CPNE4: variants seen among roughly 807,000 people sequenced by gnomAD.
CPNE4 encodes copine-4.
CPNE4 carries 25 observed loss-of-function variants against 67.9 expected under a neutral mutation model. The observed-to-expected ratio is 0.37, with a 90% CI of 0.27 to 0.51. The LOEUF (loss-of-function observed/expected upper bound fraction) is 0.51. Ranked by LOEUF, CPNE4 falls within the 20% of genes least tolerant of loss-of-function variation. CPNE4 has a pLI of 0.93. For synonymous variants in CPNE4, 242 were observed against 244.9 expected, an observed-to-expected ratio of 0.99 and a Z score of 0.11; for missense variants, 464 against 690.8, an observed-to-expected ratio of 0.67 and a Z score of 3.68.
At position 131,821,404 on chromosome 3, in the gene CPNE4, C is replaced by T. The variant is rs374944817; in HGVS notation, c.180+83860G>A. On this transcript the variant is annotated intron_variant, in intron 2 of 15. Transcript: ENST00000429747. ...TAAGAAACAGGAAGCCAGCAATCTC[C>T]CTATTGTGAGAATTCTGGACAGATG... Among the ~76,000 whole-genome samples the T allele has an allele frequency of 2.6e-5, 4 of 152,292 alleles. No individual in the cohort carries two copies. In the East Asian group the frequency reaches 7.7e-4, roughly 29 times the overall value.
intron 1 of CPNE4, among the ~76,000 whole-genome samples, chr3:131,980,339 A>G (rs2072874070): frequency 1.3e-5 from 2 of 152,120 alleles, no homozygotes; most frequent in African/African-American, 2.4e-5. Flanking sequence ...AATTATTCTT[A>G]GGTTTGATTG....
chr3:131,715,526 G>A lies in CPNE4; in HGVS notation c.360+7920C>T, dbSNP rs192544943. 2.0e-4 allele frequency among the ~76,000 whole-genome samples: 31 copies of A among 152,272 alleles called. No homozygotes were observed. The East Asian group carries it at 5.4e-3, about 27-fold the overall frequency. On this transcript the variant is annotated intron_variant, in intron 3 of 15. Coordinates refer to ENST00000429747, the MANE Select transcript of CPNE4 (RefSeq NM_130808.3). ...GCTGTGTGACCTTGGATAACTTACT[G>A]AGCTTTACTCAGTCTCAGTTTCCTC...
intron 7 of CPNE4, among the ~76,000 whole-genome samples, chr3:131,632,339 A>G (rs1005519495): frequency 1.3e-5 from 2 of 152,012 alleles, no homozygotes; most frequent in East Asian, 1.9e-4. Flanking sequence ...ATGCAACCCT[A>G]TGAAGTAGAT....
chr3:131,920,461 A>G (rs886364826), intron 1 of CPNE4, among the ~76,000 whole-genome samples: 4 of 152,140 alleles, frequency 2.6e-5, no homozygotes, highest in African/African-American at 9.7e-5. Flanking sequence ...ACATGTCTGC[A>G]AAGTCCTAGT....
chr3:131,784,091 T>C (rs888329421), intron 2 of CPNE4, among the ~76,000 whole-genome samples: 1 of 152,220 alleles, frequency 6.6e-6, no homozygotes, highest in East Asian at 1.9e-4. Context: ...CGACAAATAG[T>C]GTATATTTAA....
intron 1 of CPNE4, among the ~76,000 whole-genome samples, chr3:132,033,274 T>C (rs2074274835): frequency 1.3e-5 from 2 of 152,292 alleles, no homozygotes; most frequent in Middle Eastern, 3.4e-3. Flanking sequence ...GCTTTTAAAA[T>C]CCCTGGCAAA....
chr3:131,999,324 G>A (rs1236496054), intron 1 of CPNE4, among the ~76,000 whole-genome samples: 1 of 148,394 alleles, frequency 6.7e-6, no homozygotes, highest in East Asian at 2.0e-4. Flanking sequence ...TCCATCAAGT[G>A]GTGCAAGGAC....
chr3:131,545,525 AAC>A lies in CPNE4; in HGVS notation c.1303-2734_1303-2733del, dbSNP rs552910425. Among the ~76,000 whole-genome samples the A allele has an allele frequency of 2.5e-3, 380 of 152,350 alleles. 5 individuals carry two copies. The highest frequency in any genetic ancestry group is 8.8e-3 in the African/African-American group (367 of 41,584). On this transcript the variant is annotated intron_variant, in intron 14 of 15. Transcript: ENST00000429747. ...CTTGTGGCTTAGTTATTAATAAAAA[AAC>A]ACATATTTTCCTGTTATATTACAGT... is the stretch of plus-strand genomic sequence containing the variant.
chr3:131,987,550 C>T (rs550021869), intron 1 of CPNE4, among the ~76,000 whole-genome samples: 1 of 152,090 alleles, frequency 6.6e-6, no homozygotes, highest in African/African-American at 2.4e-5. Flanking sequence ...CCACACCCAG[C>T]TAATTTTTTG....
intron 1 of CPNE4, among the ~76,000 whole-genome samples, chr3:131,906,684 G>C (rs1457541357): frequency 6.6e-6 from 1 of 151,796 alleles, no homozygotes; most frequent in African/African-American, 2.4e-5. Flanking sequence ...CCAAGTCTTT[G>C]CTATCGTGAA....
intron 2 of CPNE4, among the ~76,000 whole-genome samples, chr3:131,893,402 T>A (rs139852265): frequency 6.6e-6 from 1 of 152,014 alleles, no homozygotes; most frequent in Non-Finnish European, 1.5e-5. Context: ...CAACTTTCAA[T>A]AATGTACAGG....
At chr3:131,745,146 C>T (rs933035201) in intron 2 of CPNE4, among the ~76,000 whole-genome samples, 5 of 152,116 alleles carry the variant, frequency 3.3e-5, no homozygotes, top group Non-Finnish European at 7.4e-5. Context: ...GTAATAGTAT[C>T]TCGTTGTTGT....
At chr3:132,027,311 CT>C (rs1436486390) in intron 1 of CPNE4, among the ~76,000 whole-genome samples, 1 of 152,154 alleles carries the variant, frequency 6.6e-6, no homozygotes, top group East Asian at 1.9e-4. Context: ...GTCACTTCAC[CT>C]TGCTGAGTCT....
At chr3:131,746,679 A>C (rs2082497476) in intron 2 of CPNE4, among the ~76,000 whole-genome samples, 1 of 152,104 alleles carries the variant, frequency 6.6e-6, no homozygotes, top group African/African-American at 2.4e-5. Context: ...CTGTTGATGG[A>C]CATTTAGGTT....
intron 2 of CPNE4, among the ~76,000 whole-genome samples, chr3:131,732,362 C>T (rs1424993231): frequency 6.6e-6 from 1 of 152,218 alleles, no homozygotes; most frequent in Non-Finnish European, 1.5e-5. Flanking sequence ...AATATGGTAT[C>T]CATTCTCCTT....
intron 1 of CPNE4, among the ~76,000 whole-genome samples, chr3:131,976,830 C>T (rs904851603): frequency 2.0e-5 from 3 of 150,942 alleles, no homozygotes; most frequent in Admixed American, 2.0e-4. Flanking sequence ...GAGACAGAGT[C>T]TCACCGTGTC....
chr3:131,718,505 GC>G (rs1406315892), intron 3 of CPNE4, among the ~76,000 whole-genome samples: 1 of 152,130 alleles, frequency 6.6e-6, no homozygotes, highest in Non-Finnish European at 1.5e-5. Context: ...CCTTCATGCT[GC>G]TGTGTCTTTG....
intron 13 of CPNE4, 121 bp downstream of exon 13, chr3:131,552,319 A>G: frequency 2.4e-6 from 2 of 830,126 alleles, no homozygotes; most frequent in South Asian, 3.2e-5. Flanking sequence ...ATGTTGATAC[A>G]GAAAGCAGAG....
At chr3:131,685,180 G>T (rs1560111871) in intron 6 of CPNE4, among the ~76,000 whole-genome samples, 1 of 151,202 alleles carries the variant, frequency 6.6e-6, no homozygotes, top group Non-Finnish European at 1.5e-5. Flanking sequence ...TAAAATGGGG[G>T]TCATCATCAT....
Sources: gnomAD v4.1 joint callset for allele counts (sites outside exome capture counted in the v4.1 genomes callset) on GRCh38, gnomAD v4.1.1 for gene constraint, MANE v1.5 for transcripts, NCBI Gene and HGNC (gene_info 2026-07-23, HGNC 2026-07-21) for gene names.